ZNF385B: variants seen among roughly 807,000 people sequenced by gnomAD.
ZNF385B encodes zinc finger protein 533.
Under a neutral mutation model 39.2 loss-of-function variants are expected in ZNF385B, and 23 were observed. The ratio of observed to expected loss-of-function variants is 0.59; its 90% CI spans 0.42 to 0.83. The LOEUF (loss-of-function observed/expected upper bound fraction) is 0.83, where lower values mean the gene tolerates loss of function less well. ZNF385B is among the 40% of genes least tolerant of loss of function. The pLI, the probability that ZNF385B is intolerant of heterozygous loss-of-function variation, is 0.00. For synonymous variants in ZNF385B, 205 were observed against 222.6 expected (o/e 0.92, Z 0.70); for missense variants, 552 against 598.9 (o/e 0.92, Z 0.82).
chr2:179,757,378 G>A (rs1401399289), intron 3 of ZNF385B, among the ~76,000 whole-genome samples: 2 of 152,190 alleles, frequency 1.3e-5, no homozygotes, highest in Non-Finnish European at 2.9e-5. Flanking sequence ...CCCCTACTGG[G>A]GGGTGCCTCC....
intron 3 of ZNF385B, among the ~76,000 whole-genome samples, chr2:179,711,081 G>A (rs998536485): frequency 1.3e-5 from 2 of 152,168 alleles, no homozygotes; most frequent in Non-Finnish European, 2.9e-5. Flanking sequence ...ACAGGTAGTG[G>A]GATGTGCACC....
At chr2:179,789,490 A>G (rs1429701947) in intron 1 of ZNF385B, among the ~76,000 whole-genome samples, 3 of 152,186 alleles carry the variant, frequency 2.0e-5, no homozygotes, top group Non-Finnish European at 2.9e-5. Flanking sequence ...CAACCATCCA[A>G]TCACCTAGGG....
chr2:179,639,351 G>C (rs1290630264), intron 3 of ZNF385B, among the ~76,000 whole-genome samples: 1 of 151,872 alleles, frequency 6.6e-6, no homozygotes, highest in African/African-American at 2.4e-5. Context: ...TGTATAGCAT[G>C]GTGACTACAG....
intron 3 of ZNF385B, among the ~76,000 whole-genome samples, chr2:179,646,667 G>A (rs915012438): frequency 1.8e-4 from 28 of 152,160 alleles, no homozygotes; most frequent in Non-Finnish European, 3.1e-4. Context: ...TTGGTGTAAT[G>A]AAAGACACTT....
intron 4 of ZNF385B, chr2:179,522,962 G>A (rs76424183): frequency 3.9e-5 from 15 of 386,370 alleles, no homozygotes; most frequent in Non-Finnish European, 6.9e-5. Flanking sequence ...GGAATTTTGA[G>A]GCTAGGAAGC....
intron 1 of ZNF385B, among the ~76,000 whole-genome samples, chr2:179,801,290 C>G (rs1706016193): frequency 6.6e-6 from 1 of 152,080 alleles, no homozygotes; most frequent in African/African-American, 2.4e-5. Context: ...CAAGGTTGAT[C>G]TAAAGTATTT....
At chr2:179,718,645 A>T (rs1159623821) in intron 3 of ZNF385B, among the ~76,000 whole-genome samples, 1 of 150,824 alleles carries the variant, frequency 6.6e-6, no homozygotes, top group Non-Finnish European at 1.5e-5. Context: ...ATCAAATTAA[A>T]CATTGAGAAT....
At chr2:179,454,963 G>C (rs1027684162) in intron 6 of ZNF385B, among the ~76,000 whole-genome samples, 3 of 152,074 alleles carry the variant, frequency 2.0e-5, no homozygotes, top group Non-Finnish European at 4.4e-5. Context: ...ATTTAGTGTA[G>C]CCTGAGCATA....
At chr2:179,461,827 T>C (rs2105473658) in intron 6 of ZNF385B, among the ~76,000 whole-genome samples, 1 of 152,336 alleles carries the variant, frequency 6.6e-6, no homozygotes, top group South Asian at 2.1e-4. Context: ...GCCAGGGTCA[T>C]GAATTCTATT....
At chr2:179,697,312 G>A (rs1040726010) in intron 3 of ZNF385B, among the ~76,000 whole-genome samples, 4 of 152,072 alleles carry the variant, frequency 2.6e-5, no homozygotes, top group South Asian at 2.1e-4. Context: ...TGGATTATGC[G>A]GGCTGTCTCC....
intron 1 of ZNF385B, among the ~76,000 whole-genome samples, chr2:179,809,486 A>T (rs1440498903): frequency 6.6e-6 from 1 of 152,162 alleles, no homozygotes; most frequent in African/African-American, 2.4e-5. Context: ...GGAAATATAC[A>T]CATAAGACCC....
At chr2:179,483,240 A>C (rs1367885142) in intron 6 of ZNF385B, 32 bp downstream of exon 6, 1 of 1,611,124 alleles carries the variant, frequency 6.2e-7, no homozygotes, top group Non-Finnish European at 8.5e-7. Context: ...GGAGAAACAC[A>C]AAGAATGTAA....
chr2:179,475,355 G>A (rs371683145), intron 6 of ZNF385B, among the ~76,000 whole-genome samples: 4 of 151,276 alleles, frequency 2.6e-5, no homozygotes, highest in Non-Finnish European at 5.9e-5. Flanking sequence ...GGGTTTGAGC[G>A]ATTCTCCTGC....
intron 3 of ZNF385B, among the ~76,000 whole-genome samples, chr2:179,673,773 C>T (rs1465084950): frequency 6.6e-6 from 1 of 151,918 alleles, no homozygotes; most frequent in Non-Finnish European, 1.5e-5. Context: ...AATCTAAAGA[C>T]AATACTCATA....
At chr2:179,546,019 T>A (rs919847465) in intron 3 of ZNF385B, among the ~76,000 whole-genome samples, 38 of 152,164 alleles carry the variant, frequency 2.5e-4, no homozygotes, top group African/African-American at 7.5e-4. Context: ...TTTATTTTTT[T>A]AATTTTAATT....
intron 3 of ZNF385B, among the ~76,000 whole-genome samples, chr2:179,764,617 T>C (rs1270291983): frequency 1.3e-5 from 2 of 152,204 alleles, no homozygotes; most frequent in Admixed American, 1.3e-4. Context: ...ATAGTTTTCA[T>C]AGTGGTTGCC....
At chr2:179,513,046 G>A (rs1304727133) in intron 5 of ZNF385B, among the ~76,000 whole-genome samples, 2 of 152,118 alleles carry the variant, frequency 1.3e-5, no homozygotes, top group African/African-American at 4.8e-5. Context: ...ATGAAGAACC[G>A]CAAAATGCAG....
intron 3 of ZNF385B, among the ~76,000 whole-genome samples, chr2:179,715,502 A>T (rs1700277373): frequency 6.6e-6 from 1 of 152,170 alleles, no homozygotes; most frequent in Admixed American, 6.5e-5. Context: ...ACCAAAAATA[A>T]CATTTACAGC....
intron 1 of ZNF385B, among the ~76,000 whole-genome samples, chr2:179,824,878 TA>T (rs35256018): frequency 4.8e-4 from 68 of 142,438 alleles, no homozygotes; most frequent in Middle Eastern, 3.6e-3. Flanking sequence ...TAGTCTGATT[TA>T]AAAAAAAAAA....
Sources: allele counts gnomAD v4.1 joint callset (sites outside exome capture counted in the v4.1 genomes callset), GRCh38; gene constraint gnomAD v4.1.1; transcripts MANE v1.5; gene names NCBI Gene and HGNC (gene_info 2026-07-23, HGNC 2026-07-21).